Variants in CCNE2 observed in about 807,000 individuals in gnomAD.
The protein encoded by CCNE2 is G1/S-specific cyclin-E2.
Under a neutral mutation model 56.8 loss-of-function variants are expected in CCNE2, and 18 were observed. The observed-to-expected ratio is 0.32, with a 90% CI of 0.22 to 0.47. CCNE2 has a LOEUF of 0.47. Among genes scored for constraint, CCNE2 ranks in the 20% least tolerant of loss-of-function variants. The pLI is 1.00. For missense variants in CCNE2, 371 were observed against 467.1 expected, an observed-to-expected ratio of 0.79 and a Z score of 1.90; for synonymous variants, 139 against 149.2, an observed-to-expected ratio of 0.93 and a Z score of 0.50.
In CCNE2 at chr8:94,882,883, G is replaced by A. The variant is rs1339233268; in HGVS notation, c.841C>T (p.Leu281=). 3 of 1,606,838 alleles carry A rather than the reference G, an allele frequency of 1.9e-6. No individual in the cohort carries two copies. Among genetic ancestry groups the A allele is most frequent in the Non-Finnish European group, 2.6e-6 (3 of 1,173,878 alleles). ...AATGAATCAATGGCTAGAATACACA[G>A]ATCTAAAAGCTAACAGGAAAAACAA... ...TFIQIAQLLD[L]CILAIDSLEF... Residue 281 remains leucine, a synonymous_variant, in exon 10 of 12, where the codon CTG becomes TTG. Coordinates refer to ENST00000308108, the MANE Select transcript of CCNE2 (RefSeq NM_057749.3).
At chr8:94,890,301 G>A (rs1258506845) in intron 6 of CCNE2, 114 bp downstream of exon 6, 4 of 893,862 alleles carry the variant, frequency 4.5e-6, no homozygotes. Context: ...CCTCAAAAAA[G>A]ACAGCTTCCT....
rs751107226 is a variant in CCNE2, at chr8:94,893,919, A to ACCT, written c.134_136dup (p.Glu45dup). The stretch of plus-strand genomic sequence containing the variant: ...AATTTCATACTGATGTTTCTTGGTG[A>ACCT]CCTCCTCTCTTCTTTTTTTGACATC... On this transcript the variant is annotated inframe_insertion, in exon 4 of 12. Transcript: ENST00000308108. 1.9e-5 allele frequency: 30 copies of ACCT among 1,612,812 alleles called. No homozygotes were observed. The highest frequency in any genetic ancestry group is 2.2e-5 in the East Asian group (1 of 44,886).
chr8:94,883,300 A>G (rs1406687328), intron 9 of CCNE2, among the ~76,000 whole-genome samples: 1 of 152,036 alleles, frequency 6.6e-6, no homozygotes, highest in Non-Finnish European at 1.5e-5. Context: ...CAAGCCACCA[A>G]CCTGAAGGAA....
At position 94,880,718 on chromosome 8, in the gene CCNE2, C is replaced by T; in HGVS notation, c.*914G>A. 1 of 395,324 alleles carries T rather than the reference C, an allele frequency of 2.5e-6. No homozygotes were observed. The highest frequency in any genetic ancestry group is 4.5e-6 in the Non-Finnish European group (1 of 224,666). 24.5% of individuals were successfully genotyped at this position (395,324 alleles called of 1,614,324 possible). ...TCACAATGGAGGAATTTAGAAAGGA[C>T]CTTAACAGTTTCACAAACATAAATA... On this transcript the variant is annotated 3_prime_UTR_variant, in exon 12 of 12. Coordinates refer to ENST00000308108, the MANE Select transcript of CCNE2 (RefSeq NM_057749.3).
rs773686788 is a variant in CCNE2, at chr8:94,882,296, A to AGAT, written c.944-10_944-8dup. Reference sequence around the variant, plus strand: ...ATACTGTCCCACTCCAAACCTAGATAGATAGAAAAAAGTTAGAAAAGCATG... The same window carrying AGAT: ...ATACTGTCCCACTCCAAACCTAGATAGATGATAGAAAAAAGTTAGAAAAGCATG... On this transcript the variant is annotated splice_region_variant and splice_polypyrimidine_tract_variant and intron_variant, in intron 10 of 11. Coordinates refer to ENST00000308108, the MANE Select transcript of CCNE2 (RefSeq NM_057749.3). 11 of 1,580,166 alleles carry AGAT rather than the reference A, an allele frequency of 7.0e-6. No homozygotes were observed. Among genetic ancestry groups the AGAT allele is most frequent in the African/African-American group, 6.8e-5 (5 of 73,516 alleles).
In CCNE2 at chr8:94,882,908, A is replaced by AAAG; in HGVS notation, c.832-19_832-17dup. On this transcript the variant is annotated splice_polypyrimidine_tract_variant and intron_variant, in intron 9 of 11. Coordinates refer to ENST00000308108, the MANE Select transcript of CCNE2 (RefSeq NM_057749.3). ...GATCTAAAAGCTAACAGGAAAAACAAAAGTACAAGCAATTTAGGAGAAAGA... is the reference window on the plus strand; with the variant it reads ...GATCTAAAAGCTAACAGGAAAAACAAAAGAAGTACAAGCAATTTAGGAGAAAGA... 6.7e-7 allele frequency: 1 copy of AAAG among 1,499,928 alleles called. No individual in the cohort carries two copies. The highest frequency in any genetic ancestry group is 1.4e-5 in the African/African-American group (1 of 72,770). The allele number at this position is 1,499,928 out of a possible 1,614,324, so 92.9% of individuals were successfully genotyped here.
chr8:94,886,495 C>T (rs1194541809), intron 7 of CCNE2, among the ~76,000 whole-genome samples: 3 of 152,100 alleles, frequency 2.0e-5, no homozygotes, highest in Non-Finnish European at 2.9e-5. Flanking sequence ...TCACCTGAGC[C>T]CAGGAGTTTA....
Position 94,881,524 on chromosome 8 carries a change from G to T in CCNE2, c.*108C>A. On this transcript the variant is annotated 3_prime_UTR_variant, in exon 12 of 12. Transcript: ENST00000308108. ...GAATGGCAGTGTAACTTGTGAATTG[G>T]CTAGGGCAATCAATCACAGCACTAC... is the stretch of plus-strand genomic sequence containing the variant. 1.9e-6 allele frequency: 2 copies of T among 1,077,852 alleles called. No homozygotes were observed. Among genetic ancestry groups the T allele is most frequent in the Non-Finnish European group, 2.7e-6 (2 of 742,778 alleles). The allele number at this position is 1,077,852 out of a possible 1,614,324, so 66.8% of individuals were successfully genotyped here.
At chr8:94,893,998 T>G in intron 3 of CCNE2, 25 bp downstream of exon 3, 1 of 1,613,876 alleles carries the variant, frequency 6.2e-7, no homozygotes. Flanking sequence ...GGAATTTCGT[T>G]CCTCCCTCTT....
In CCNE2 at chr8:94,885,074, A is replaced by G. The variant is rs1432084041; in HGVS notation, c.824T>C (p.Ile275Thr). ...PQYSQETFIQ[I>T]AQLLDLCILA... Reference sequence around the variant, plus strand: ...CAATAAAAATGTCAGTACCTGAGCTATTTGAATGAATGTTTCCTGAGAATA... The same window carrying G: ...CAATAAAAATGTCAGTACCTGAGCTGTTTGAATGAATGTTTCCTGAGAATA... Residue 275 changes from isoleucine to threonine, a missense_variant, in exon 9 of 12, where the codon ATA becomes ACA. Transcript: ENST00000308108. 1.9e-6 allele frequency: 3 copies of G among 1,612,830 alleles called. No homozygotes were observed. The highest frequency in any genetic ancestry group is 2.2e-5 in the East Asian group (1 of 44,770).
rs1177094645 is a variant in CCNE2, at chr8:94,881,582, A to G, written c.*50T>C. On this transcript the variant is annotated 3_prime_UTR_variant, in exon 12 of 12. Coordinates refer to ENST00000308108, the MANE Select transcript of CCNE2 (RefSeq NM_057749.3). ...AAAACTTTAGTAGTTCAGTGATACC[A>G]GTTCTACCCAATCTTGGTGAATTCC... The G allele has an allele frequency of 8.8e-6, 14 of 1,590,708 alleles. No homozygotes were observed. The East Asian group carries it at 1.1e-4, about 13-fold the overall frequency.
chr8:94,885,900 GGAGA>G (rs112710014), intron 7 of CCNE2, among the ~76,000 whole-genome samples: 1 of 151,742 alleles, frequency 6.6e-6, no homozygotes, highest in Non-Finnish European at 1.5e-5. Flanking sequence ...TGCATTTTCA[GGAGA>G]GAGAGGGTTT....
chr8:94,880,417 T>A lies in CCNE2; in HGVS notation c.*1215A>T, dbSNP rs1206010113. The A allele has an allele frequency of 2.6e-6, 1 of 385,350 alleles. No homozygotes were observed. Among genetic ancestry groups the A allele is most frequent in the Non-Finnish European group, 4.6e-6 (1 of 216,342 alleles). 23.9% of individuals were successfully genotyped at this position (385,350 alleles called of 1,614,324 possible). A position where few individuals can be genotyped will look rare whatever the true frequency, so the allele number is the denominator to read the frequency against. ...GAAGACTTCATACCGTAACAATAAA[T>A]GTATAGTTTCTTCAAAGGGAGAAGA... On this transcript the variant is annotated 3_prime_UTR_variant, in exon 12 of 12. Coordinates refer to ENST00000308108, the MANE Select transcript of CCNE2 (RefSeq NM_057749.3).
At chr8:94,883,003 C>T (rs961315311) in intron 9 of CCNE2, 111 bp from the exon 10 acceptor site, 23 of 638,962 alleles carry the variant, frequency 3.6e-5, no homozygotes, top group Middle Eastern at 3.7e-4. Context: ...CGGCCAGGCG[C>T]GGTGGCTCAC....
chr8:94,895,142 C>G (rs1310592613), intron 1 of CCNE2, 35 bp downstream of exon 1: 1 of 982,010 alleles, frequency 1.0e-6, no homozygotes, highest in East Asian at 1.1e-4. Flanking sequence ...GCTTTCTTTC[C>G]TCCCACATCC....
intron 7 of CCNE2, among the ~76,000 whole-genome samples, chr8:94,886,064 T>G (rs1330642456): frequency 1.3e-5 from 2 of 152,118 alleles, no homozygotes; most frequent in Non-Finnish European, 2.9e-5. Flanking sequence ...CATAGCCCTG[T>G]TGTACGTCAA....
chr8:94,890,299 AAGAC>A, intron 6 of CCNE2, 112 bp downstream of exon 6: 1 of 887,424 alleles, frequency 1.1e-6, no homozygotes, highest in East Asian at 3.0e-5. Context: ...TACCTCAAAA[AAGAC>A]AGCTTCCTGG....
Position 94,881,554 on chromosome 8 carries a change from T to G in CCNE2, c.*78A>C. 1.4e-6 allele frequency: 2 copies of G among 1,446,904 alleles called. No individual in the cohort carries two copies. Among genetic ancestry groups the G allele is most frequent in the Non-Finnish European group, 1.9e-6 (2 of 1,052,164 alleles). 89.6% of individuals were successfully genotyped at this position (1,446,904 alleles called of 1,614,324 possible). The stretch of plus-strand genomic sequence containing the variant: ...GGCAATCAATCACAGCACTACTTTC[T>G]GTAAAACTTTAGTAGTTCAGTGATA... On this transcript the variant is annotated 3_prime_UTR_variant, in exon 12 of 12. Transcript: ENST00000308108.
intron 4 of CCNE2, 83 bp from the exon 5 acceptor site, chr8:94,893,052 A>G (rs764314609): frequency 4.6e-6 from 5 of 1,084,834 alleles, no homozygotes; most frequent in South Asian, 1.6e-5. Context: ...ATGAAAGCTA[A>G]TATGTCTAAA....
Sources: allele counts gnomAD v4.1 joint callset (sites outside exome capture counted in the v4.1 genomes callset), GRCh38; gene constraint gnomAD v4.1.1; transcripts MANE v1.5; gene names NCBI Gene and HGNC (gene_info 2026-07-23, HGNC 2026-07-21).